CDH20: variants seen among roughly 807,000 people sequenced by gnomAD.
The protein encoded by CDH20 is cadherin 20.
CDH20 carries 29 observed loss-of-function variants against 74.2 expected under a neutral mutation model. That is an observed-to-expected ratio of 0.39 (90% CI 0.29 to 0.53). CDH20 has a LOEUF of 0.53. Among genes scored for constraint, CDH20 ranks in the 20% least tolerant of loss-of-function variants. CDH20 has a pLI of 0.69. For synonymous variants in CDH20, 469 were observed against 405.4 expected (o/e 1.16, Z -1.88); for missense variants, 988 against 1,048.3 (o/e 0.94, Z 0.79).
rs902221215 is a variant in CDH20 at position 61,436,922 on chromosome 18, T to C, written c.-152-53480T>C. ...GTGAATTAGGGACACAGAATTTCAC[T>C]TAACCTCTCTAGTCTCAGTTTCCTT... On this transcript the variant is annotated intron_variant, in intron 1 of 11. Coordinates refer to ENST00000262717, the MANE Select transcript of CDH20 (RefSeq NM_031891.4). 3.3e-5 allele frequency among the ~76,000 whole-genome samples: 5 copies of C among 152,158 alleles called. No individual in the cohort carries two copies. In the East Asian group the frequency reaches 9.6e-4, roughly 29 times the overall value.
chr18:61,437,555 T>G (rs540541537), intron 1 of CDH20, among the ~76,000 whole-genome samples: 3 of 152,162 alleles, frequency 2.0e-5, no homozygotes, highest in Non-Finnish European at 4.4e-5. Context: ...AAGAAATAAC[T>G]TCAACATTTC....
At chr18:61,415,341 A>G (rs1336491145) in intron 1 of CDH20, among the ~76,000 whole-genome samples, 1 of 152,200 alleles carries the variant, frequency 6.6e-6, no homozygotes, top group Non-Finnish European at 1.5e-5. Context: ...AACATTTCAT[A>G]AGAAGTTAAA....
chr18:61,407,667 T>C (rs532206227), intron 1 of CDH20, among the ~76,000 whole-genome samples: 10 of 152,184 alleles, frequency 6.6e-5, no homozygotes, highest in African/African-American at 2.4e-4. Flanking sequence ...GGACACAACG[T>C]CACTTTTGTG....
chr18:61,452,252 CTGTA>C (rs150187665), intron 1 of CDH20, among the ~76,000 whole-genome samples: 11,935 of 152,056 alleles, frequency 0.078, 594 homozygotes, highest in South Asian at 0.13. Flanking sequence ...TTTTTATGTA[CTGTA>C]TGTGTGAAAT....
In CDH20 at chr18:61,333,682, T is replaced by C. The variant is rs1430906748; in HGVS notation, c.-298T>C. The C allele has an allele frequency of 9.6e-4, 8 of 8,334 alleles. No individual in the cohort carries two copies. The highest frequency in any genetic ancestry group is 2.5e-3 in the African/African-American group (5 of 1,984). The allele number at this position is 8,334 out of a possible 1,614,324, so 0.5% of individuals were successfully genotyped here. ...ACTTCTGACAGAGGGGGTAGGGGGGTGGGGGGCGGGGACAGCGCCGCGAGC... is the reference window on the plus strand; with the variant it reads ...ACTTCTGACAGAGGGGGTAGGGGGGCGGGGGGCGGGGACAGCGCCGCGAGC... On this transcript the variant is annotated 5_prime_UTR_variant, in exon 1 of 12. Transcript: ENST00000262717.
chr18:61,538,431 G>C (rs1320591162), intron 8 of CDH20, among the ~76,000 whole-genome samples: 2 of 151,816 alleles, frequency 1.3e-5, no homozygotes, highest in South Asian at 2.1e-4. Context: ...TGATAGCAAA[G>C]GTTCACCAAC....
intron 1 of CDH20, among the ~76,000 whole-genome samples, chr18:61,366,252 A>G (rs1433123869): frequency 1.3e-5 from 2 of 152,158 alleles, no homozygotes; most frequent in Admixed American, 6.5e-5. Flanking sequence ...GGTATAAAGT[A>G]AGGAATCTAA....
At chr18:61,454,016 C>T (rs1909487866) in intron 1 of CDH20, among the ~76,000 whole-genome samples, 1 of 152,114 alleles carries the variant, frequency 6.6e-6, no homozygotes, top group African/African-American at 2.4e-5. Flanking sequence ...GTGTATGGCA[C>T]TATGTCATAG....
intron 2 of CDH20, among the ~76,000 whole-genome samples, chr18:61,494,351 C>T (rs547911529): frequency 6.6e-6 from 1 of 152,268 alleles, no homozygotes. Flanking sequence ...AGCTGTGTAG[C>T]ACCCTTGCAT....
Position 61,554,473 on chromosome 18 carries a change from C to G in CDH20, c.2184C>G (p.Ala728=). Residue 728 remains alanine, a synonymous_variant, in exon 12 of 12, where the codon GCC becomes GCG. Transcript: ENST00000262717. ...VNSTVHSYVL[A]KLYEADMDLW... is the part of the protein sequence containing the mutation. The stretch of plus-strand genomic sequence containing the variant: ...GCACTGTCCACAGCTACGTGCTGGC[C>G]AAGCTCTACGAGGCCGACATGGACC... The G allele has an allele frequency of 6.2e-7, 1 of 1,613,146 alleles. No individual in the cohort carries two copies. Among genetic ancestry groups the G allele is most frequent in the South Asian group, 1.1e-5 (1 of 91,016 alleles).
At chr18:61,383,702 A>G (rs1194460041) in intron 1 of CDH20, among the ~76,000 whole-genome samples, 1 of 152,244 alleles carries the variant, frequency 6.6e-6, no homozygotes, top group Non-Finnish European at 1.5e-5. Context: ...AAAATGAGAT[A>G]CATTTAGAAT....
chr18:61,540,223 T>C (rs1056960023), intron 9 of CDH20, among the ~76,000 whole-genome samples: 2 of 152,176 alleles, frequency 1.3e-5, no homozygotes, highest in African/African-American at 4.8e-5. Context: ...GTCCTGTGGA[T>C]GCTGGTGCTG....
At chr18:61,544,365 T>A (rs1033356707) in intron 9 of CDH20, among the ~76,000 whole-genome samples, 1 of 152,218 alleles carries the variant, frequency 6.6e-6, no homozygotes, top group Non-Finnish European at 1.5e-5. Flanking sequence ...ATTAGCTCAA[T>A]AGACCCTCTG....
intron 1 of CDH20, among the ~76,000 whole-genome samples, chr18:61,398,178 G>C (rs1912044968): frequency 6.6e-6 from 1 of 152,224 alleles, no homozygotes; most frequent in Admixed American, 6.5e-5. Flanking sequence ...ATGAATGAGA[G>C]TCTGAACGGG....
At chr18:61,344,503 C>T (rs1910054006) in intron 1 of CDH20, among the ~76,000 whole-genome samples, 1 of 152,110 alleles carries the variant, frequency 6.6e-6, no homozygotes, top group African/African-American at 2.4e-5. Context: ...TGAAATGTTG[C>T]CAGTTTCTAG....
intron 7 of CDH20, among the ~76,000 whole-genome samples, chr18:61,528,556 T>G (rs1912532356): frequency 6.6e-6 from 1 of 152,020 alleles, no homozygotes; most frequent in Admixed American, 6.6e-5. Flanking sequence ...GGGGTTCTCC[T>G]GTGCACTGAA....
In CDH20 at chr18:61,536,131, AT is replaced by A. The variant is rs931017454; in HGVS notation, c.1272-360del. ...GCATTTGAGAACTCATTTGAATACA[AT>A]TCTTTTTAAACAAATATATACAGGA... On this transcript the variant is annotated intron_variant, in intron 7 of 11. Transcript: ENST00000262717. 2.0e-5 allele frequency among the ~76,000 whole-genome samples: 3 copies of A among 152,258 alleles called. No homozygotes were observed. The East Asian group carries it at 5.8e-4, about 29-fold the overall frequency.
intron 1 of CDH20, among the ~76,000 whole-genome samples, chr18:61,482,080 C>G (rs1163055695): frequency 1.3e-5 from 2 of 151,740 alleles, no homozygotes; most frequent in African/African-American, 4.8e-5. Context: ...CACAGAGAAG[C>G]CACGTCCAGG....
At chr18:61,387,343 A>G (rs993576316) in intron 1 of CDH20, among the ~76,000 whole-genome samples, 6 of 152,182 alleles carry the variant, frequency 3.9e-5, no homozygotes, top group Non-Finnish European at 8.8e-5. Context: ...GACAATTACC[A>G]GGGTCTGAAC....
Sources: allele counts gnomAD v4.1 joint callset (sites outside exome capture counted in the v4.1 genomes callset), GRCh38; gene constraint gnomAD v4.1.1; transcripts MANE v1.5; gene names NCBI Gene and HGNC (gene_info 2026-07-23, HGNC 2026-07-21).